Variants in SGCD observed in about 807,000 individuals in gnomAD.
SGCD encodes sarcoglycan delta, also known as delta-sarcoglycan.
Under a neutral mutation model 36.6 loss-of-function variants are expected in SGCD, and 18 were observed. The ratio of observed to expected loss-of-function variants is 0.49; its 90% confidence interval spans 0.34 to 0.73. The LOEUF is 0.73. Among genes scored for constraint, SGCD ranks in the 30% least tolerant of loss-of-function variants. The pLI, the probability that SGCD is intolerant of heterozygous loss-of-function variation, is 0.01. For missense variants in SGCD, 387 were observed against 346.7 expected (o/e 1.12, Z -0.92); for synonymous variants, 133 against 130.6 (o/e 1.02, Z -0.12).
intron 3 of SGCD, among the ~76,000 whole-genome samples, chr5:156,280,947 G>C (rs1387790805): frequency 6.6e-6 from 1 of 152,144 alleles, no homozygotes; most frequent in East Asian, 1.9e-4. Flanking sequence ...TTAGGAGGCA[G>C]TTCCTGGAAT....
the SGCD span, among the ~76,000 whole-genome samples, chr5:155,815,574 G>A: frequency 0.19 from 28,708 of 152,182 alleles, 3,666 homozygotes; most frequent in Admixed American, 0.4. Context: ...GGTTCCACAG[G>A]CTGTACAGGA....
At chr5:156,086,262 C>A (rs1031711404) in intron 1 of SGCD, among the ~76,000 whole-genome samples, 2 of 152,232 alleles carry the variant, frequency 1.3e-5, no homozygotes, top group African/African-American at 4.8e-5. Context: ...GTCTGTCCTG[C>A]ATTTCTGCTC....
chr5:156,595,756 G>A (rs1462332392), intron 6 of SGCD, among the ~76,000 whole-genome samples: 1 of 152,220 alleles, frequency 6.6e-6, no homozygotes, highest in Non-Finnish European at 1.5e-5. Context: ...AATCATCTAG[G>A]AAACTTTGGA....
At chr5:156,663,511 A>T (rs1388597035) in intron 7 of SGCD, among the ~76,000 whole-genome samples, 2 of 148,930 alleles carry the variant, frequency 1.3e-5, no homozygotes, top group Non-Finnish European at 3.0e-5. Context: ...TTCCACCCTT[A>T]ATATATGGCA....
chr5:156,592,281 T>C (rs1760754374), intron 5 of SGCD, among the ~76,000 whole-genome samples: 1 of 152,134 alleles, frequency 6.6e-6, no homozygotes. Flanking sequence ...GTGCCCATCC[T>C]GAGGTCATTC....
the SGCD span, among the ~76,000 whole-genome samples, chr5:155,793,418 TA>T: frequency 6.6e-6 from 1 of 151,566 alleles, no homozygotes; most frequent in African/African-American, 2.4e-5. Flanking sequence ...CAATCCAAAA[TA>T]AAAAAAAGTT....
intron 4 of SGCD, among the ~76,000 whole-genome samples, chr5:156,527,936 A>G (rs1448152666): frequency 6.6e-6 from 1 of 152,222 alleles, no homozygotes; most frequent in Non-Finnish European, 1.5e-5. Flanking sequence ...TTTCTCGTGA[A>G]GACCTTCCCT....
intron 3 of SGCD, among the ~76,000 whole-genome samples, chr5:156,125,756 C>A (rs1762154474): frequency 6.6e-6 from 1 of 151,188 alleles, no homozygotes; most frequent in African/African-American, 2.4e-5. Context: ...CACAGTGTAC[C>A]TTTATTGAGT....
the SGCD span, among the ~76,000 whole-genome samples, chr5:155,752,454 C>T: frequency 6.6e-6 from 1 of 152,156 alleles, no homozygotes; most frequent in African/African-American, 2.4e-5. Flanking sequence ...CCTTGGTACC[C>T]CTCCTTACTC....
intron 4 of SGCD, among the ~76,000 whole-genome samples, chr5:156,576,769 G>T (rs552136799): frequency 1.5e-3 from 219 of 150,964 alleles, no homozygotes; most frequent in African/African-American, 4.7e-3. Flanking sequence ...TTTTGATGGG[G>T]TTTTTTTTTC....
chr5:156,508,107 G>A (rs552748306), intron 3 of SGCD, among the ~76,000 whole-genome samples: 283 of 152,154 alleles, frequency 1.9e-3, no homozygotes, highest in African/African-American at 6.2e-3. Context: ...TATTATTTCC[G>A]TAACAAAATA....
intron 4 of SGCD, among the ~76,000 whole-genome samples, chr5:156,509,381 C>T (rs963121097): frequency 2.6e-5 from 4 of 152,072 alleles, no homozygotes; most frequent in African/African-American, 4.8e-5. Context: ...GCCAAGATCA[C>T]GCCACTGGAC....
At chr5:156,223,301 T>C (rs531583809) in intron 3 of SGCD, among the ~76,000 whole-genome samples, 2 of 152,058 alleles carry the variant, frequency 1.3e-5, no homozygotes, top group African/African-American at 2.4e-5. Context: ...TTCTATTAGA[T>C]GATAGTGGAG....
chr5:156,535,075 CTT>C (rs1274817329), intron 4 of SGCD, among the ~76,000 whole-genome samples: 1 of 152,194 alleles, frequency 6.6e-6, no homozygotes, highest in Non-Finnish European at 1.5e-5. Context: ...ATAAAAATCT[CTT>C]TTTTCCAGAA....
intron 3 of SGCD, among the ~76,000 whole-genome samples, chr5:156,210,725 C>T (rs528533104): frequency 6.6e-6 from 1 of 150,726 alleles, no homozygotes; most frequent in East Asian, 2.0e-4. Context: ...AGAAGAAGAA[C>T]CTGTGAACTT....
intron 7 of SGCD, among the ~76,000 whole-genome samples, chr5:156,687,630 C>T (rs369756014): frequency 5.9e-5 from 9 of 152,170 alleles, no homozygotes; most frequent in African/African-American, 1.2e-4. Context: ...AGGCAGCCTC[C>T]GCCAGGAAAA....
At chr5:156,688,182 T>C (rs976857787) in intron 7 of SGCD, among the ~76,000 whole-genome samples, 4 of 152,156 alleles carry the variant, frequency 2.6e-5, no homozygotes, top group Admixed American at 6.5e-5. Context: ...TAATATCCTT[T>C]AGTTATTTTT....
Position 156,350,881 on chromosome 5 carries a change from A to G in SGCD, c.192+6204A>G, listed in dbSNP as rs73815038. Among the ~76,000 whole-genome samples, 559 of 152,354 alleles carry G rather than the reference A, an allele frequency of 3.7e-3. 3 individuals are homozygous for G. Among genetic ancestry groups the G allele is most frequent in the African/African-American group, 0.013 (530 of 41,586 alleles). On this transcript the variant is annotated intron_variant, in intron 3 of 8. Transcript: ENST00000337851. ...TATTCCCACTGAAAACCCAAGGCTC[A>G]GAGAAGTTGAGTGACTTGCTGAAAG... is the stretch of plus-strand genomic sequence containing the variant.
Position 156,512,646 on chromosome 5 carries a change from A to G in SGCD, c.294+3944A>G, listed in dbSNP as rs147237845. 3.5e-3 allele frequency among the ~76,000 whole-genome samples: 526 copies of G among 152,292 alleles called. 3 individuals are homozygous for G. Among genetic ancestry groups the G allele is most frequent in the African/African-American group, 0.012 (509 of 41,548 alleles). On this transcript the variant is annotated intron_variant, in intron 4 of 8. Coordinates refer to ENST00000337851, the MANE Select transcript of SGCD (RefSeq NM_000337.6). Reference sequence around the variant, plus strand: ...ATAGCTTTCCTGAAGTACACTTCTGATAAGTTACAATCTGATAAGTTCTAA... The same window carrying G: ...ATAGCTTTCCTGAAGTACACTTCTGGTAAGTTACAATCTGATAAGTTCTAA...
Sources: allele counts gnomAD v4.1 joint callset (sites outside exome capture counted in the v4.1 genomes callset), GRCh38; gene constraint gnomAD v4.1.1; transcripts MANE v1.5; gene names NCBI Gene and HGNC (gene_info 2026-07-23, HGNC 2026-07-21).